PC: variants seen among roughly 807,000 people sequenced by gnomAD.
PC encodes the protein pyruvate carboxylase, mitochondrial.
In PC, 46 loss-of-function variants were observed where a neutral mutation model predicts 107.8. The observed-to-expected ratio is 0.43, with a 90% CI of 0.34 to 0.55. The LOEUF is 0.55. Ranked by LOEUF, PC falls within the 20% of genes least tolerant of loss-of-function variation. The pLI is 0.04. For synonymous variants in PC, 662 were observed against 684.7 expected, an observed-to-expected ratio of 0.97 and a Z score of 0.52; for missense variants, 1,241 against 1,643.1, an observed-to-expected ratio of 0.76 and a Z score of 4.23.
rs1946212837 is a variant in PC at position 66,860,722 on chromosome 11, G to A, written c.1368+3052C>T. 4.3e-6 allele frequency: 3 copies of A among 700,302 alleles called. No individual in the cohort carries two copies. The East Asian group carries it at 8.0e-5, about 19-fold the overall frequency. The allele number at this position is 700,302 out of a possible 1,614,324, so 43.4% of individuals were successfully genotyped here. A position where few individuals can be genotyped will look rare whatever the true frequency, so the allele number is the denominator to read the frequency against. On this transcript the variant is annotated intron_variant, in intron 12 of 22. Coordinates refer to ENST00000393960, the MANE Select transcript of PC (RefSeq NM_001040716.2). ...GCCTACCCTCGCCTGTAAGTGCAAA[G>A]AACGCCCCTTCCTGCCAGGTGGCGA... is the stretch of plus-strand genomic sequence containing the variant.
At chr11:66,859,128 C>T (rs373973686) in intron 12 of PC, 91 of 1,474,968 alleles carry the variant, frequency 6.2e-5, no homozygotes, top group South Asian at 7.3e-5. Flanking sequence ...GCTGCACTCC[C>T]GGCGCCCTTC....
chr11:66,956,831 C>T (rs1276205209), intron 1 of PC, among the ~76,000 whole-genome samples: 4 of 152,184 alleles, frequency 2.6e-5, no homozygotes, highest in Non-Finnish European at 5.9e-5. Context: ...CCTCCTAGGG[C>T]CAATACCTCA....
chr11:66,882,077 G>A (rs543601993), intron 3 of PC, among the ~76,000 whole-genome samples: 37 of 152,332 alleles, frequency 2.4e-4, no homozygotes, highest in Admixed American at 1.2e-3. Context: ...GCAGTCACAT[G>A]TCCCAGATAA....
chr11:66,907,392 T>C (rs769760142), intron 3 of PC, among the ~76,000 whole-genome samples: 1 of 152,094 alleles, frequency 6.6e-6, no homozygotes, highest in Non-Finnish European at 1.5e-5. Context: ...CCGGGTGTGG[T>C]GGCACACACG....
chr11:66,864,869 G>A (rs184497459), intron 11 of PC, among the ~76,000 whole-genome samples: 33 of 152,314 alleles, frequency 2.2e-4, no homozygotes, highest in African/African-American at 7.9e-4. Context: ...AGGAAGAAGG[G>A]GAGTGGGGGG....
At chr11:66,916,184 G>A (rs138976329) in intron 3 of PC, among the ~76,000 whole-genome samples, 2 of 152,334 alleles carry the variant, frequency 1.3e-5, no homozygotes, top group African/African-American at 4.8e-5. Context: ...CCTTAGCGTA[G>A]GTCAGGCCAG....
intron 3 of PC, among the ~76,000 whole-genome samples, chr11:66,910,588 G>T (rs181646999): frequency 1.3e-5 from 2 of 152,258 alleles, no homozygotes; most frequent in South Asian, 2.1e-4. Context: ...CTCACCATAC[G>T]GCCGGTGGAA....
rs569686613 is a variant in PC at position 66,956,062 on chromosome 11, G to A, written c.-227-1626C>T. Among the ~76,000 whole-genome samples the A allele has an allele frequency of 6.6e-5, 10 of 151,932 alleles. No individual in the cohort carries two copies. In the South Asian group the frequency reaches 8.3e-4, roughly 13 times the overall value. On this transcript the variant is annotated intron_variant, in intron 1 of 22. Transcript: ENST00000393960. ...TGCTGGGATTACAGGCATGAGCACCGCGCCCAGCCCCGTCTACCTTTGCAT... is the reference window on the plus strand; with the variant it reads ...TGCTGGGATTACAGGCATGAGCACCACGCCCAGCCCCGTCTACCTTTGCAT...
At chr11:66,898,663 G>C (rs1344248892) in intron 3 of PC, among the ~76,000 whole-genome samples, 1 of 152,120 alleles carries the variant, frequency 6.6e-6, no homozygotes, top group African/African-American at 2.4e-5. Flanking sequence ...CTGGGCGACA[G>C]AGCAAGACTC....
chr11:66,855,700 C>T (rs994419090), intron 12 of PC, among the ~76,000 whole-genome samples: 1 of 152,208 alleles, frequency 6.6e-6, no homozygotes, highest in Non-Finnish European at 1.5e-5. Flanking sequence ...ATTTTACAAA[C>T]GCCACAGCTG....
chr11:66,912,967 C>T (rs574628426), intron 3 of PC, among the ~76,000 whole-genome samples: 2 of 152,214 alleles, frequency 1.3e-5, no homozygotes, highest in South Asian at 4.2e-4. Flanking sequence ...CTCTCATTAC[C>T]GCAGTGATAA....
intron 3 of PC, among the ~76,000 whole-genome samples, chr11:66,928,688 G>A (rs1948777963): frequency 6.6e-6 from 1 of 151,998 alleles, no homozygotes; most frequent in African/African-American, 2.4e-5. Context: ...ACCTTGCCTG[G>A]CTAATTTTGT....
chr11:66,952,508 AG>A (rs1029635432), intron 2 of PC, 40 bp from the exon 3 acceptor site: 2 of 152,328 alleles, frequency 1.3e-5, no homozygotes, highest in Non-Finnish European at 2.9e-5. Flanking sequence ...TCATTGCTCC[AG>A]GAACTTCCCA....
At chr11:66,913,376 CAT>C (rs1204221531) in intron 3 of PC, among the ~76,000 whole-genome samples, 2 of 152,040 alleles carry the variant, frequency 1.3e-5, no homozygotes, top group East Asian at 1.9e-4. Flanking sequence ...CCCAATCTCA[CAT>C]GATTCCCACT....
intron 11 of PC, 78 bp from the exon 12 acceptor site, chr11:66,864,034 G>T: frequency 1.4e-6 from 2 of 1,411,276 alleles, no homozygotes; most frequent in South Asian, 1.2e-5. Flanking sequence ...AGGCTGGCCA[G>T]GTGTGCACCC....
chr11:66,853,319 G>T lies in PC; in HGVS notation c.1433C>A (p.Thr478Asn). The T allele has an allele frequency of 6.2e-7, 1 of 1,614,142 alleles. No homozygotes were observed. The highest frequency in any genetic ancestry group is 8.5e-7 in the Non-Finnish European group (1 of 1,180,006). The change falls in exon 13 of 23, where the codon ACC becomes AAC. Residue 478 changes from threonine (T) to asparagine (N), a missense_variant. Thr to Asn is a moderately conservative substitution (Grantham distance 65). Around this residue, in one of 2 missense-constraint regions of PC, gnomAD observed 1,143 missense variants for 1,551.9 expected, o/e 0.74. Coordinates refer to ENST00000393960, the MANE Select transcript of PC (RefSeq NM_001040716.2). ...CTCTGGGTTCTCGTCGATGAACTGG[G>T]TGTCCACAGTGCCTGCCAGGAACTG... ...NQQFLAGTVD[T>N]QFIDENPELF...
At chr11:66,913,934 C>T (rs1182766844) in intron 3 of PC, among the ~76,000 whole-genome samples, 1 of 152,122 alleles carries the variant, frequency 6.6e-6, no homozygotes, top group Non-Finnish European at 1.5e-5. Flanking sequence ...GTGCCCAGGC[C>T]TAAGGCTGCT....
At chr11:66,946,732 T>C (rs1453733599) in intron 3 of PC, among the ~76,000 whole-genome samples, 1 of 152,114 alleles carries the variant, frequency 6.6e-6, no homozygotes, top group Non-Finnish European at 1.5e-5. Context: ...GAGGCTGCAG[T>C]GAGCCACGAT....
rs2135803352 is a variant in PC at position 66,851,106 on chromosome 11, T to C, written c.2157A>G (p.Ser719=). ...CGGCCAAGCCCATGTAGTACTGCAG[T>C]GAGTACTTGGTGCGGCTGGGGTCGG... is the stretch of plus-strand genomic sequence containing the variant. ...DVADPSRTKY[S]LQYYMGLAEE... The change falls in exon 17 of 23, where the codon TCA becomes TCG. Residue 719 remains serine (S), a synonymous_variant. Transcript: ENST00000393960. The C allele has an allele frequency of 5.0e-6, 8 of 1,613,256 alleles. No individual in the cohort carries two copies. Among genetic ancestry groups the C allele is most frequent in the Admixed American group, 3.3e-5 (2 of 60,026 alleles).
Sources: allele counts gnomAD v4.1 joint callset (sites outside exome capture counted in the v4.1 genomes callset), GRCh38; gene constraint gnomAD v4.1.1; regional missense constraint gnomAD v4.1.1; transcripts MANE v1.5; gene names NCBI Gene and HGNC (gene_info 2026-07-23, HGNC 2026-07-21).